The following SHROOM3 variants were observed in gnomAD, a reference collection of about 807,000 sequenced individuals.
SHROOM3 encodes the protein shroom family member 3, also known as protein Shroom3.
In SHROOM3, 47 loss-of-function variants were observed where a neutral mutation model predicts 138.6. The observed-to-expected ratio is 0.34, with a 90% CI of 0.27 to 0.43. The LOEUF (loss-of-function observed/expected upper bound fraction) is 0.43, where lower values mean the gene tolerates loss of function less well. Ranked by LOEUF, SHROOM3 falls within the 20% of genes least tolerant of loss-of-function variation. SHROOM3 has a pLI of 1.00. For synonymous variants in SHROOM3, 1,062 were observed against 1,063.3 expected (o/e 1.00, Z 0.02); for missense variants, 2,491 against 2,596.5 (o/e 0.96, Z 0.88).
At chr4:76,765,600 G>C (rs1722128756) in intron 9 of SHROOM3, among the ~76,000 whole-genome samples, 1 of 152,124 alleles carries the variant, frequency 6.6e-6, no homozygotes, top group Non-Finnish European at 1.5e-5. Context: ...TTAAGACGGA[G>C]ACACACAGAG....
chr4:76,584,326 A>G (rs895832310), intron 2 of SHROOM3, among the ~76,000 whole-genome samples: 1 of 152,134 alleles, frequency 6.6e-6, no homozygotes, highest in South Asian at 2.1e-4. Context: ...CAAAGAAAAA[A>G]AAAAAAAAGA....
chr4:76,497,625 A>C (rs1457175134), intron 1 of SHROOM3, among the ~76,000 whole-genome samples: 1 of 152,192 alleles, frequency 6.6e-6, no homozygotes, highest in Non-Finnish European at 1.5e-5. Flanking sequence ...TGGGAGGCTG[A>C]GGTGGGCAGA....
At chr4:76,567,494 C>A (rs940927268) in intron 2 of SHROOM3, among the ~76,000 whole-genome samples, 1 of 152,042 alleles carries the variant, frequency 6.6e-6, no homozygotes, top group South Asian at 2.1e-4. Context: ...ATTAAAAATA[C>A]AAAAAATTAG....
chr4:76,531,644 A>G (rs990205077), intron 1 of SHROOM3, among the ~76,000 whole-genome samples: 1 of 152,226 alleles, frequency 6.6e-6, no homozygotes, highest in Non-Finnish European at 1.5e-5. Flanking sequence ...GATCTCTGCA[A>G]GGTGTTCAGC....
intron 1 of SHROOM3, among the ~76,000 whole-genome samples, chr4:76,465,873 C>T (rs921305262): frequency 2.6e-5 from 4 of 152,114 alleles, no homozygotes; most frequent in Non-Finnish European, 5.9e-5. Context: ...ACTAAATATG[C>T]CATGCATAAA....
Position 76,739,428 on chromosome 4 carries a change from T to G in SHROOM3, c.1255T>G (p.Ser419Ala). The stretch of plus-strand genomic sequence containing the variant: ...ACGGCTCTGCCGGCCTCAGGCAAAC[T>G]CTTTAGGCTCCCTGAAGTCTCCATT... ...QKRLCRPQANSLGSLKSPFIE... is the reference protein window; with the variant it reads ...QKRLCRPQANALGSLKSPFIE... Residue 419 changes from serine to alanine, a missense_variant, in exon 5 of 11, where the codon TCT becomes GCT. Physicochemically the swap from Ser to Ala is moderately conservative, Grantham distance 99. Coordinates refer to ENST00000296043, the MANE Select transcript of SHROOM3 (RefSeq NM_020859.4). The G allele has an allele frequency of 6.2e-7, 1 of 1,614,110 alleles. No homozygotes were observed. Among genetic ancestry groups the G allele is most frequent in the Non-Finnish European group, 8.5e-7 (1 of 1,180,024 alleles).
At chr4:76,648,208 G>T (rs1026982996) in intron 2 of SHROOM3, among the ~76,000 whole-genome samples, 1 of 152,028 alleles carries the variant, frequency 6.6e-6, no homozygotes, top group African/African-American at 2.4e-5. Context: ...CGTACCTGTG[G>T]TCCCAGCCAC....
intron 2 of SHROOM3, among the ~76,000 whole-genome samples, chr4:76,578,009 C>A (rs538199178): frequency 1.3e-5 from 2 of 151,836 alleles, no homozygotes; most frequent in African/African-American, 4.8e-5. Context: ...TTTTAATAAC[C>A]CACACCTCCA....
rs749675041 is a variant in SHROOM3, at chr4:76,741,218, G to A, written c.3045G>A (p.Gln1015=). ...CTCGCCGGCGCCTGACTCCCGAGCA[G>A]AAGAAGCGCTCCTACTCGGAGCCCG... ...RGARRRLTPE[Q]KKRSYSEPEK... The change falls in exon 5 of 11, where the codon CAG becomes CAA. Residue 1015 remains glutamine (Q), a synonymous_variant. Transcript: ENST00000296043. This position sits in a 1 kb window ranked among gnomAD's most constrained non-coding sequence, Gnocchi z 6.2. The A allele has an allele frequency of 6.2e-7, 1 of 1,609,468 alleles. No individual in the cohort carries two copies. The highest frequency in any genetic ancestry group is 1.7e-5 in the Admixed American group (1 of 59,768).
chr4:76,704,741 T>G (rs1456527041), intron 2 of SHROOM3, among the ~76,000 whole-genome samples: 1 of 152,180 alleles, frequency 6.6e-6, no homozygotes, highest in African/African-American at 2.4e-5. Flanking sequence ...AATGACATCA[T>G]CCATTTACAT....
intron 1 of SHROOM3, among the ~76,000 whole-genome samples, chr4:76,440,672 C>T (rs542370056): frequency 6.6e-6 from 1 of 152,298 alleles, no homozygotes; most frequent in South Asian, 2.1e-4. Context: ...GCTTTTCAAA[C>T]ATGGACTTCA....
intron 2 of SHROOM3, among the ~76,000 whole-genome samples, chr4:76,703,513 G>C (rs1237769737): frequency 6.6e-6 from 1 of 152,176 alleles, no homozygotes; most frequent in Non-Finnish European, 1.5e-5. Context: ...ACAGAAATCT[G>C]TGCCTGAGGG....
chr4:76,667,900 G>A (rs1029185566), intron 2 of SHROOM3, among the ~76,000 whole-genome samples: 3 of 142,308 alleles, frequency 2.1e-5, no homozygotes, highest in Non-Finnish European at 4.5e-5. Context: ...CCCGGGAGGC[G>A]GAGGTTGCAG....
chr4:76,624,657 G>A (rs1349675026), intron 2 of SHROOM3, among the ~76,000 whole-genome samples: 2 of 152,146 alleles, frequency 1.3e-5, no homozygotes, highest in South Asian at 2.1e-4. Flanking sequence ...TTTAAAGTGG[G>A]ACTGTGCCTC....
chr4:76,646,620 C>T (rs1345808276), intron 2 of SHROOM3, among the ~76,000 whole-genome samples: 2 of 152,118 alleles, frequency 1.3e-5, no homozygotes, highest in African/African-American at 4.8e-5. Context: ...ACTTACCTTG[C>T]TCTTGATGGT....
chr4:76,763,088 A>T (rs1426898381), intron 9 of SHROOM3, among the ~76,000 whole-genome samples: 1 of 152,208 alleles, frequency 6.6e-6, no homozygotes, highest in Non-Finnish European at 1.5e-5. Context: ...GATTAAATAA[A>T]AAATCACCAA....
rs61655085 is a variant in SHROOM3, at chr4:76,444,484, CTTTTTTTTTTTT to C, written c.168+8280_168+8291del. Among the ~76,000 whole-genome samples the C allele has an allele frequency of 6.7e-5, 4 of 60,150 alleles. 1 individual carries two copies. Among genetic ancestry groups the C allele is most frequent in the African/African-American group, 2.0e-4 (3 of 15,238 alleles). 39.5% of individuals were successfully genotyped at this position (60,150 alleles called of 152,430 possible). A position where few individuals can be genotyped will look rare whatever the true frequency, so the allele number is the denominator to read the frequency against. ...CCAGTTTCCTCATCTCTCTTTCTTTCTTTTTTTTTTTTTTTTTTTTTTTTTTTGAGACGGAGT... is the reference window on the plus strand; with the variant it reads ...CCAGTTTCCTCATCTCTCTTTCTTTCTTTTTTTTTTTTTTTGAGACGGAGT... On this transcript the variant is annotated intron_variant, in intron 1 of 10. Coordinates refer to ENST00000296043, the MANE Select transcript of SHROOM3 (RefSeq NM_020859.4).
intron 1 of SHROOM3, among the ~76,000 whole-genome samples, chr4:76,517,302 G>T (rs1047618823): frequency 2.0e-5 from 3 of 152,180 alleles, no homozygotes; most frequent in South Asian, 4.1e-4. Flanking sequence ...GGCATTGGAT[G>T]GGTGTAGGCA....
intron 2 of SHROOM3, among the ~76,000 whole-genome samples, chr4:76,681,854 C>T (rs971480255): frequency 2.6e-5 from 4 of 152,096 alleles, no homozygotes; most frequent in African/African-American, 9.7e-5. Flanking sequence ...CCAGGTGTAC[C>T]ACACAGACAT....
Sources: gnomAD v4.1 joint callset for allele counts (sites outside exome capture counted in the v4.1 genomes callset) on GRCh38, gnomAD v4.1.1 for gene constraint, Gnocchi (gnomAD v3.1) non-coding constraint, MANE v1.5 for transcripts, NCBI Gene and HGNC (gene_info 2026-07-23, HGNC 2026-07-21) for gene names.